The following MAGI2 variants were observed in gnomAD, a reference collection of about 807,000 sequenced individuals.
The protein encoded by MAGI2 is membrane associated guanylate kinase, WW and PDZ domain containing 2.
Under a neutral mutation model 133.3 loss-of-function variants are expected in MAGI2, and 35 were observed. The observed-to-expected ratio is 0.26, with a 90% CI of 0.20 to 0.35. MAGI2 has a LOEUF of 0.35. Among genes scored for constraint, MAGI2 ranks in the 10% least tolerant of loss-of-function variants. MAGI2 has a pLI of 1.00. For synonymous variants in MAGI2, 729 were observed against 710.6 expected, an observed-to-expected ratio of 1.03 and a Z score of -0.41; for missense variants, 1,636 against 1,863.4, an observed-to-expected ratio of 0.88 and a Z score of 2.25.
chr7:78,316,941 T>G (rs1031897128), intron 9 of MAGI2, among the ~76,000 whole-genome samples: 1 of 152,198 alleles, frequency 6.6e-6, no homozygotes, highest in Non-Finnish European at 1.5e-5. Context: ...TACCCTTGCT[T>G]CACCCGTGAT....
At chr7:78,293,337 C>T (rs1226097051) in intron 9 of MAGI2, among the ~76,000 whole-genome samples, 2 of 152,150 alleles carry the variant, frequency 1.3e-5, no homozygotes, top group Non-Finnish European at 2.9e-5. Flanking sequence ...TGAAAAAATG[C>T]TCATCATCAC....
chr7:78,644,959 A>G lies in MAGI2; in HGVS notation c.419-17720T>C, dbSNP rs116077889. Among the ~76,000 whole-genome samples, 597 of 152,330 alleles carry G rather than the reference A, an allele frequency of 3.9e-3. 4 individuals carry two copies. Among genetic ancestry groups the G allele is most frequent in the African/African-American group, 0.013 (529 of 41,588 alleles). Reference sequence around the variant, plus strand: ...GTTCATTACAAGTTTGATGGATATTAAAAGGATATTAATGGTATATTATAA... The same window carrying G: ...GTTCATTACAAGTTTGATGGATATTGAAAGGATATTAATGGTATATTATAA... On this transcript the variant is annotated intron_variant, in intron 2 of 21. Coordinates refer to ENST00000354212, the MANE Select transcript of MAGI2 (RefSeq NM_012301.4).
At chr7:78,434,016 T>G (rs1378886225) in intron 6 of MAGI2, among the ~76,000 whole-genome samples, 4 of 152,200 alleles carry the variant, frequency 2.6e-5, no homozygotes, top group Admixed American at 2.0e-4. Flanking sequence ...AAATATGTAT[T>G]GATAAAAATA....
chr7:78,684,614 G>T (rs1816070092), intron 2 of MAGI2, among the ~76,000 whole-genome samples: 2 of 151,926 alleles, frequency 1.3e-5, no homozygotes, highest in African/African-American at 2.4e-5. Flanking sequence ...TAAAGTTTCT[G>T]GTTGATATTT....
intron 6 of MAGI2, among the ~76,000 whole-genome samples, chr7:78,434,538 C>T (rs760900304): frequency 7.9e-5 from 12 of 152,060 alleles, no homozygotes; most frequent in Non-Finnish European, 1.2e-4. Flanking sequence ...GGTGAAGGAA[C>T]ATTTCTCTAG....
At chr7:78,497,538 A>G (rs1794200030) in intron 5 of MAGI2, among the ~76,000 whole-genome samples, 1 of 152,200 alleles carries the variant, frequency 6.6e-6, no homozygotes, top group Non-Finnish European at 1.5e-5. Context: ...GGACTCAGCC[A>G]TATAACTATT....
intron 2 of MAGI2, among the ~76,000 whole-genome samples, chr7:78,720,772 C>T (rs1820187924): frequency 6.6e-6 from 1 of 151,982 alleles, no homozygotes; most frequent in African/African-American, 2.4e-5. Flanking sequence ...TCATCTTTTC[C>T]TTCATCAGAA....
At chr7:78,281,205 T>A (rs1795538444) in intron 9 of MAGI2, among the ~76,000 whole-genome samples, 1 of 152,176 alleles carries the variant, frequency 6.6e-6, no homozygotes, top group Non-Finnish European at 1.5e-5. Context: ...ATTTTGTTGT[T>A]ATTCATTCAT....
chr7:78,453,713 C>T (rs552936006), intron 6 of MAGI2, among the ~76,000 whole-genome samples: 8 of 152,250 alleles, frequency 5.3e-5, no homozygotes, highest in Admixed American at 2.0e-4. Context: ...TAGACATTAT[C>T]CCAGATAATT....
rs1395515633 is a variant in MAGI2 at position 79,453,085 on chromosome 7, A to G, written c.236T>C (p.Ile79Thr). The change falls in exon 1 of 22, where the codon ATC becomes ACC. Residue 79 changes from isoleucine (I) to threonine (T), a missense_variant. Ile to Thr is a moderately conservative substitution (Grantham distance 89). Coordinates refer to ENST00000354212, the MANE Select transcript of MAGI2 (RefSeq NM_012301.4). ...TTTGATCACGGCCAGCACGTCCCTG[A>G]TGGTGAGCCCCGCCACGGGGGTCTC... is the stretch of plus-strand genomic sequence containing the variant. ...VNETPVAGLT[I>T]RDVLAVIKHC... 6.2e-7 allele frequency: 1 copy of G among 1,613,624 alleles called. No individual in the cohort carries two copies. The highest frequency in any genetic ancestry group is 1.3e-5 in the African/African-American group (1 of 75,042).
chr7:79,260,262 G>A (rs150494312), intron 1 of MAGI2, among the ~76,000 whole-genome samples: 1 of 152,046 alleles, frequency 6.6e-6, no homozygotes, highest in South Asian at 2.1e-4. Context: ...AAGCTAACAT[G>A]GGAGGATGAC....
intron 10 of MAGI2, among the ~76,000 whole-genome samples, chr7:78,247,388 T>C (rs1045370831): frequency 2.0e-5 from 3 of 152,160 alleles, no homozygotes; most frequent in African/African-American, 7.2e-5. Context: ...TAAGACTTGT[T>C]TGGAGGTGAA....
At chr7:78,780,388 C>T (rs1439284088) in intron 2 of MAGI2, among the ~76,000 whole-genome samples, 8 of 152,162 alleles carry the variant, frequency 5.3e-5, no homozygotes, top group African/African-American at 1.9e-4. Context: ...ATGCCACTTT[C>T]TGTAAATATA....
At chr7:79,365,013 T>C (rs188096984) in intron 1 of MAGI2, among the ~76,000 whole-genome samples, 1 of 146,788 alleles carries the variant, frequency 6.8e-6, no homozygotes, top group Non-Finnish European at 1.5e-5. Flanking sequence ...AACAAAGGAG[T>C]AGGAAAAAAA....
At chr7:78,514,183 C>T (rs762535719) in intron 4 of MAGI2, among the ~76,000 whole-genome samples, 3 of 146,808 alleles carry the variant, frequency 2.0e-5, no homozygotes, top group Non-Finnish European at 3.0e-5. Flanking sequence ...TTTAAAATGA[C>T]ACTTCTAAAA....
At chr7:78,868,851 T>C (rs2151516709) in intron 2 of MAGI2, among the ~76,000 whole-genome samples, 1 of 152,178 alleles carries the variant, frequency 6.6e-6, no homozygotes, top group East Asian at 1.9e-4. Context: ...CCTCCCGGGT[T>C]CACACCATTC....
chr7:79,404,531 C>T (rs533425977), intron 1 of MAGI2, among the ~76,000 whole-genome samples: 1 of 152,190 alleles, frequency 6.6e-6, no homozygotes, highest in East Asian at 1.9e-4. Flanking sequence ...TATATGAATA[C>T]ATTTTTCTTT....
rs535727443 is a variant in MAGI2 at position 78,801,947 on chromosome 7, A to C, written c.419-174708T>G. On this transcript the variant is annotated intron_variant, in intron 2 of 21. Transcript: ENST00000354212. ...ATACTATGAAATGCACCGAGGAAAC[A>C]CTGAGGTGAGCAGAGAATATCTGCA... Among the ~76,000 whole-genome samples the C allele has an allele frequency of 8.8e-4, 134 of 152,300 alleles. 1 individual carries two copies. Among genetic ancestry groups the C allele is most frequent in the Non-Finnish European group, 1.7e-3 (113 of 68,006 alleles).
chr7:79,109,512 T>C (rs944486860), intron 1 of MAGI2, among the ~76,000 whole-genome samples: 1 of 152,226 alleles, frequency 6.6e-6, no homozygotes, highest in African/African-American at 2.4e-5. Flanking sequence ...ATTCAAGCTG[T>C]AGCCTGACTG....
Sources: gnomAD v4.1 joint callset for allele counts (sites outside exome capture counted in the v4.1 genomes callset) on GRCh38, gnomAD v4.1.1 for gene constraint, MANE v1.5 for transcripts, NCBI Gene and HGNC (gene_info 2026-07-23, HGNC 2026-07-21) for gene names.